Variants in CCBE1 observed in about 807,000 individuals in gnomAD.
CCBE1 encodes collagen and calcium binding EGF domains 1.
CCBE1 carries 37 observed loss-of-function variants against 50.0 expected under a neutral mutation model. The observed-to-expected ratio is 0.74, with a 90% CI of 0.57 to 0.97. CCBE1 has a LOEUF of 0.97. Ranked by LOEUF, CCBE1 falls within the 50% of genes least tolerant of loss-of-function variation. The pLI, the probability that CCBE1 is intolerant of heterozygous loss-of-function variation, is 0.00. For synonymous variants in CCBE1, 234 were observed against 203.7 expected, an observed-to-expected ratio of 1.15 and a Z score of -1.27; for missense variants, 538 against 523.8, an observed-to-expected ratio of 1.03 and a Z score of -0.26.
chr18:59,680,156 G>T (rs1239913802), intron 2 of CCBE1, among the ~76,000 whole-genome samples: 1 of 151,890 alleles, frequency 6.6e-6, no homozygotes, highest in African/African-American at 2.4e-5. Flanking sequence ...AGGAGGAAGA[G>T]ATTGCAGTGA....
chr18:59,551,361 T>C (rs1045865988), intron 2 of CCBE1, among the ~76,000 whole-genome samples: 52 of 152,358 alleles, frequency 3.4e-4, no homozygotes, highest in African/African-American at 1.2e-3. Context: ...AAGTACAGCC[T>C]GCAGAACCGG....
At chr18:59,592,938 G>C (rs968679453) in intron 2 of CCBE1, among the ~76,000 whole-genome samples, 1 of 152,100 alleles carries the variant, frequency 6.6e-6, no homozygotes, top group Non-Finnish European at 1.5e-5. Context: ...GAAACCTGCA[G>C]ATTAAAAAAG....
chr18:59,454,996 A>T (rs1192981905), intron 5 of CCBE1, 45 bp from the exon 6 acceptor site: 1 of 1,474,152 alleles, frequency 6.8e-7, no homozygotes, highest in Non-Finnish European at 9.5e-7. Flanking sequence ...GGCTGGATGC[A>T]AGCCAGACCC....
chr18:59,531,532 G>C (rs1276257901), intron 2 of CCBE1, among the ~76,000 whole-genome samples: 9 of 152,082 alleles, frequency 5.9e-5, no homozygotes. Context: ...AGGATTGCTT[G>C]AGCCCAAGAA....
chr18:59,557,921 G>A (rs1864308), intron 2 of CCBE1, among the ~76,000 whole-genome samples: 23,049 of 152,100 alleles, frequency 0.15, 2,609 homozygotes, highest in African/African-American at 0.32. Flanking sequence ...ATTAAACTAC[G>A]CATGGATATA....
At chr18:59,562,883 A>G (rs1331515059) in intron 2 of CCBE1, among the ~76,000 whole-genome samples, 1 of 81,094 alleles carries the variant, frequency 1.2e-5, no homozygotes. Flanking sequence ...AGGCCGCCTT[A>G]GAGGTTTCGA....
intron 2 of CCBE1, among the ~76,000 whole-genome samples, chr18:59,598,348 C>T (rs747048865): frequency 2.0e-5 from 3 of 152,138 alleles, no homozygotes; most frequent in Non-Finnish European, 4.4e-5. Context: ...ATGAAGTTGC[C>T]GGAAGCAGAA....
intron 2 of CCBE1, among the ~76,000 whole-genome samples, chr18:59,485,756 G>A (rs666611): frequency 0.29 from 43,837 of 151,708 alleles, 6,420 homozygotes; most frequent in Non-Finnish European, 0.3. Flanking sequence ...GATTACAGGC[G>A]CCTGCCACCA....
chr18:59,455,476 G>A (rs1023757179), intron 5 of CCBE1, among the ~76,000 whole-genome samples: 4 of 152,158 alleles, frequency 2.6e-5, no homozygotes, highest in African/African-American at 9.7e-5. Context: ...CAGACACTTC[G>A]CCACTCCATC....
chr18:59,675,248 A>G (rs2054484762), intron 2 of CCBE1, among the ~76,000 whole-genome samples: 1 of 152,200 alleles, frequency 6.6e-6, no homozygotes, highest in East Asian at 1.9e-4. Context: ...AATGTGCATT[A>G]TGCCCAGTTT....
At chr18:59,594,438 G>A (rs1018321226) in intron 2 of CCBE1, among the ~76,000 whole-genome samples, 5 of 152,188 alleles carry the variant, frequency 3.3e-5, no homozygotes, top group Non-Finnish European at 5.9e-5. Flanking sequence ...CAGAGTTTCC[G>A]TTGGGGAAAC....
At chr18:59,568,573 G>A (rs1485365175) in intron 2 of CCBE1, 1 of 152,166 alleles carries the variant, frequency 6.6e-6, no homozygotes, top group Non-Finnish European at 1.5e-5. Flanking sequence ...ATGAGAACTA[G>A]GGAGAAGATG....
At position 59,446,066 on chromosome 18, in the gene CCBE1, C is replaced by T. The variant is rs544235713; in HGVS notation, c.775+1917G>A. Among the ~76,000 whole-genome samples, 5 of 152,234 alleles carry T rather than the reference C, an allele frequency of 3.3e-5. No homozygotes were observed. In the East Asian group the frequency reaches 9.6e-4, roughly 29 times the overall value. On this transcript the variant is annotated intron_variant, in intron 7 of 10. Transcript: ENST00000439986. ...CCTAATAAGTCTCAGTGGTGGGTACCACAAACACTAGAAGTTAAGAGAGAG... is the reference window on the plus strand; with the variant it reads ...CCTAATAAGTCTCAGTGGTGGGTACTACAAACACTAGAAGTTAAGAGAGAG...
At chr18:59,685,751 T>C (rs2054645845) in intron 2 of CCBE1, 1 of 152,232 alleles carries the variant, frequency 6.6e-6, no homozygotes, top group African/African-American at 2.4e-5. Flanking sequence ...TGAGAATCAC[T>C]GCCTAGCACC....
chr18:59,519,116 A>G (rs1432539919), intron 2 of CCBE1, among the ~76,000 whole-genome samples: 2 of 152,172 alleles, frequency 1.3e-5, no homozygotes, highest in African/African-American at 4.8e-5. Context: ...AACCCAAACT[A>G]AAACCCACTA....
intron 2 of CCBE1, among the ~76,000 whole-genome samples, chr18:59,569,354 CAG>C (rs972496966): frequency 3.3e-5 from 5 of 152,190 alleles, no homozygotes; most frequent in African/African-American, 1.2e-4. Context: ...GTAATAAAAA[CAG>C]ATATTTTGAG....
intron 2 of CCBE1, among the ~76,000 whole-genome samples, chr18:59,582,119 C>A (rs1004296041): frequency 3.9e-5 from 6 of 152,174 alleles, no homozygotes; most frequent in African/African-American, 1.4e-4. Context: ...TAGTAGGGTG[C>A]TCCTGTACCC....
intron 2 of CCBE1, among the ~76,000 whole-genome samples, chr18:59,535,608 T>C (rs1915215608): frequency 6.6e-6 from 1 of 152,174 alleles, no homozygotes; most frequent in African/African-American, 2.4e-5. Flanking sequence ...GTAGCAATGC[T>C]CTTAATAGCT....
At position 59,483,068 on chromosome 18, in the gene CCBE1, A is replaced by C. The variant is rs146847746; in HGVS notation, c.213-2830T>G. Among the ~76,000 whole-genome samples, 14 of 152,260 alleles carry C rather than the reference A, an allele frequency of 9.2e-5. No individual in the cohort carries two copies. The East Asian group carries it at 1.7e-3, about 19-fold the overall frequency. On this transcript the variant is annotated intron_variant, in intron 2 of 10. Coordinates refer to ENST00000439986, the MANE Select transcript of CCBE1 (RefSeq NM_133459.4). ...AGCCTATCATGTCACCTGTGTGAAC[A>C]CACCATTTACACATCATGGTGGAGA...
Sources: allele counts gnomAD v4.1 joint callset (sites outside exome capture counted in the v4.1 genomes callset), GRCh38; gene constraint gnomAD v4.1.1; transcripts MANE v1.5; gene names NCBI Gene and HGNC (gene_info 2026-07-23, HGNC 2026-07-21).